Variants in ZEB1 observed in about 807,000 individuals in gnomAD.
The protein encoded by ZEB1 is zinc finger E-box binding homeobox 1.
ZEB1 carries 21 observed loss-of-function variants against 84.9 expected under a neutral mutation model. The observed-to-expected ratio is 0.25, with a 90% CI of 0.18 to 0.36. The LOEUF is 0.36. ZEB1 is among the 10% of genes least tolerant of loss of function. ZEB1 has a pLI of 1.00. For synonymous variants in ZEB1, 420 were observed against 471.1 expected, an observed-to-expected ratio of 0.89 and a Z score of 1.41; for missense variants, 1,104 against 1,330.2, an observed-to-expected ratio of 0.83 and a Z score of 2.65.
At chr10:31,377,525 T>C (rs189364453) in intron 1 of ZEB1, among the ~76,000 whole-genome samples, 1 of 151,874 alleles carries the variant, frequency 6.6e-6, no homozygotes, top group Admixed American at 6.6e-5. Flanking sequence ...TTCATTAAGG[T>C]GGTTTTAATT....
At chr10:31,458,368 T>C (rs1339033049) in intron 1 of ZEB1, among the ~76,000 whole-genome samples, 3 of 146,480 alleles carry the variant, frequency 2.0e-5, no homozygotes. Context: ...GTGTGTGTAT[T>C]TGCCTCTTAC....
At position 31,465,871 on chromosome 10, in the gene ZEB1, A is replaced by C. The variant is rs150894780; in HGVS notation, c.259+4634A>C. Among the ~76,000 whole-genome samples, 4 of 152,334 alleles carry C rather than the reference A, an allele frequency of 2.6e-5. No individual in the cohort carries two copies. In the East Asian group the frequency reaches 7.7e-4, roughly 29 times the overall value. ...ATTTTTTAAAACTGACCCAACTACAAGCTGCCTACAGGAGACTTATTTTAC... is the reference window on the plus strand; with the variant it reads ...ATTTTTTAAAACTGACCCAACTACACGCTGCCTACAGGAGACTTATTTTAC... On this transcript the variant is annotated intron_variant, in intron 2 of 8. Transcript: ENST00000424869.
intron 1 of ZEB1, among the ~76,000 whole-genome samples, chr10:31,328,297 C>T (rs2036029971): frequency 6.6e-6 from 1 of 152,096 alleles, no homozygotes. Context: ...CTACCTATCA[C>T]CCTGGCCGGG....
chr10:31,415,348 A>G (rs558131921), intron 1 of ZEB1, among the ~76,000 whole-genome samples: 1 of 152,116 alleles, frequency 6.6e-6, no homozygotes, highest in African/African-American at 2.4e-5. Context: ...TACTACTACT[A>G]CTTCTACTAA....
chr10:31,419,542 G>T (rs982936462), intron 1 of ZEB1, among the ~76,000 whole-genome samples: 2 of 152,056 alleles, frequency 1.3e-5, no homozygotes, highest in African/African-American at 4.8e-5. Flanking sequence ...TCTCATATCC[G>T]CCACATAGTG....
intron 1 of ZEB1, among the ~76,000 whole-genome samples, chr10:31,372,398 T>A (rs1353050677): frequency 6.6e-6 from 1 of 151,990 alleles, no homozygotes; most frequent in Non-Finnish European, 1.5e-5. Flanking sequence ...TCATAAAGCC[T>A]ATGGTCAAAA....
At chr10:31,322,510 G>A (rs1327846459) in intron 1 of ZEB1, among the ~76,000 whole-genome samples, 1 of 152,176 alleles carries the variant, frequency 6.6e-6, no homozygotes, top group Non-Finnish European at 1.5e-5. Flanking sequence ...TATGTCTGAA[G>A]GTAGGATATT....
At chr10:31,407,000 T>C (rs1339497393) in intron 1 of ZEB1, among the ~76,000 whole-genome samples, 3 of 152,108 alleles carry the variant, frequency 2.0e-5, no homozygotes, top group Non-Finnish European at 4.4e-5. Context: ...GATCAGATGG[T>C]TGTAGATGTG....
intron 3 of ZEB1, among the ~76,000 whole-genome samples, chr10:31,498,862 TATTA>T (rs1395598833): frequency 3.3e-5 from 5 of 152,078 alleles, no homozygotes; most frequent in East Asian, 1.9e-4. Flanking sequence ...TGCAAACGTA[TATTA>T]ATTACTTCAT....
chr10:31,411,391 G>A (rs1189420456), intron 1 of ZEB1, among the ~76,000 whole-genome samples: 1 of 152,142 alleles, frequency 6.6e-6, no homozygotes, highest in Non-Finnish European at 1.5e-5. Flanking sequence ...CAGCACTTTG[G>A]GAGGCCGAGG....
chr10:31,510,571 T>G, intron 4 of ZEB1, 102 bp from the exon 5 acceptor site: 1 of 880,844 alleles, frequency 1.1e-6, no homozygotes, highest in Non-Finnish European at 1.8e-6. Context: ...AAATATAAAG[T>G]GGGTAGCACA....
At chr10:31,453,871 A>C (rs908877894) in intron 1 of ZEB1, among the ~76,000 whole-genome samples, 2 of 152,140 alleles carry the variant, frequency 1.3e-5, no homozygotes, top group East Asian at 3.9e-4. Context: ...ACTATTCCAA[A>C]TAATAGAAAA....
At chr10:31,350,787 T>C (rs556633902) in intron 1 of ZEB1, among the ~76,000 whole-genome samples, 10 of 152,292 alleles carry the variant, frequency 6.6e-5, no homozygotes, top group African/African-American at 2.4e-4. Context: ...AATTTATAAA[T>C]TGGAAATTGA....
chr10:31,500,223 G>A (rs928002041), intron 3 of ZEB1, among the ~76,000 whole-genome samples: 6 of 151,992 alleles, frequency 3.9e-5, no homozygotes, highest in Admixed American at 1.3e-4. Context: ...AGTTTAAATT[G>A]AAAAATTGAA....
At chr10:31,426,453 A>C (rs753096192) in intron 1 of ZEB1, among the ~76,000 whole-genome samples, 1 of 152,184 alleles carries the variant, frequency 6.6e-6, no homozygotes, top group African/African-American at 2.4e-5. Context: ...TTCTTAAAAG[A>C]CAGTTTTATA....
intron 2 of ZEB1, among the ~76,000 whole-genome samples, chr10:31,464,191 C>CA (rs1355235668): frequency 6.6e-6 from 1 of 151,774 alleles, no homozygotes; most frequent in Non-Finnish European, 1.5e-5. Flanking sequence ...AAATGGAACT[C>CA]AGAGAGACAC....
At chr10:31,343,950 G>C (rs1012586090) in intron 1 of ZEB1, among the ~76,000 whole-genome samples, 1 of 152,076 alleles carries the variant, frequency 6.6e-6, no homozygotes, top group Non-Finnish European at 1.5e-5. Flanking sequence ...TAATCCCCAC[G>C]TTTTTCTTTT....
chr10:31,399,828 C>CT (rs971600606), intron 1 of ZEB1, among the ~76,000 whole-genome samples: 1 of 152,210 alleles, frequency 6.6e-6, no homozygotes, highest in Non-Finnish European at 1.5e-5. Context: ...CTGCCAACCA[C>CT]TCCTGCCTGC....
intron 2 of ZEB1, among the ~76,000 whole-genome samples, chr10:31,469,662 C>G (rs1297370928): frequency 1.3e-5 from 2 of 152,120 alleles, no homozygotes; most frequent in Non-Finnish European, 2.9e-5. Context: ...GCCCAGGCTT[C>G]CTTAGGTAAA....
Sources: gnomAD v4.1 joint callset for allele counts (sites outside exome capture counted in the v4.1 genomes callset) on GRCh38, gnomAD v4.1.1 for gene constraint, MANE v1.5 for transcripts, NCBI Gene and HGNC (gene_info 2026-07-23, HGNC 2026-07-21) for gene names.